Variants in VAV3 observed in about 807,000 individuals in gnomAD.
The protein encoded by VAV3 is guanine nucleotide exchange factor VAV3.
In VAV3, 94 loss-of-function variants were observed where a neutral mutation model predicts 131.2. The observed-to-expected ratio is 0.72, with a 90% CI of 0.61 to 0.85. The LOEUF is 0.85. Ranked by LOEUF, VAV3 falls within the 40% of genes least tolerant of loss-of-function variation. VAV3 has a pLI of 0.00. For synonymous variants in VAV3, 349 were observed against 342.0 expected, an observed-to-expected ratio of 1.02 and a Z score of -0.22; for missense variants, 939 against 1,002.7, an observed-to-expected ratio of 0.94 and a Z score of 0.86.
intron 18 of VAV3, among the ~76,000 whole-genome samples, chr1:107,687,963 G>A (rs1659149016): frequency 6.6e-6 from 1 of 152,104 alleles, no homozygotes. Flanking sequence ...AAAAGTACTA[G>A]AAACATGGAA....
At chr1:107,622,900 G>T (rs142092259) in intron 20 of VAV3, among the ~76,000 whole-genome samples, 12 of 152,294 alleles carry the variant, frequency 7.9e-5, no homozygotes, top group African/African-American at 2.9e-4. Context: ...TGGGCAGATG[G>T]AAGGAAGGAA....
At chr1:107,715,070 A>G (rs1661014217) in intron 15 of VAV3, among the ~76,000 whole-genome samples, 2 of 152,166 alleles carry the variant, frequency 1.3e-5, no homozygotes, top group Non-Finnish European at 2.9e-5. Flanking sequence ...TTATTACAAA[A>G]TTAAAGTGTG....
In VAV3 at chr1:107,902,721, T is replaced by C. The variant is rs1231135374; in HGVS notation, c.205-27704A>G. On this transcript the variant is annotated intron_variant, in intron 1 of 26. Coordinates refer to ENST00000370056, the MANE Select transcript of VAV3 (RefSeq NM_006113.5). ...GCCATGAGGATATAAATCATATCTA[T>C]GTATCAACAAGAGAGGGGAAGGAGA... Among the ~76,000 whole-genome samples the C allele has an allele frequency of 2.0e-5, 3 of 152,266 alleles. No individual in the cohort carries two copies. The South Asian group carries it at 6.2e-4, about 32-fold the overall frequency.
At chr1:107,643,851 T>C (rs988537575) in intron 19 of VAV3, among the ~76,000 whole-genome samples, 1 of 152,086 alleles carries the variant, frequency 6.6e-6, no homozygotes, top group Non-Finnish European at 1.5e-5. Context: ...CTGAACAGAC[T>C]AGAAAAGTTT....
chr1:107,586,005 G>T (rs1650456194), intron 25 of VAV3, among the ~76,000 whole-genome samples: 2 of 152,124 alleles, frequency 1.3e-5, no homozygotes, highest in Admixed American at 1.3e-4. Flanking sequence ...ACTCAGAAGT[G>T]ATGAACCAGC....
chr1:107,808,739 A>C (rs1667179179), intron 2 of VAV3, among the ~76,000 whole-genome samples: 1 of 152,178 alleles, frequency 6.6e-6, no homozygotes, highest in African/African-American at 2.4e-5. Flanking sequence ...TTCTAGCTCC[A>C]CAATATTCCA....
intron 1 of VAV3, among the ~76,000 whole-genome samples, chr1:107,900,358 T>C (rs1195948726): frequency 6.6e-6 from 1 of 152,202 alleles, no homozygotes; most frequent in Non-Finnish European, 1.5e-5. Context: ...TGATATTTTC[T>C]CTACATGCTT....
At chr1:107,669,072 CAG>C (rs1367633575) in intron 19 of VAV3, 3 of 1,080,040 alleles carry the variant, frequency 2.8e-6, no homozygotes, top group Non-Finnish European at 3.4e-6. Context: ...AAAAAGAACA[CAG>C]GGGAAAAAAA....
At chr1:107,592,865 A>G (rs1178021126) in intron 25 of VAV3, among the ~76,000 whole-genome samples, 2 of 152,144 alleles carry the variant, frequency 1.3e-5, no homozygotes, top group Admixed American at 6.6e-5. Flanking sequence ...TACAAGCCCT[A>G]CAGGTAAACC....
chr1:107,806,049 T>A (rs1444394118), intron 2 of VAV3, among the ~76,000 whole-genome samples: 1 of 152,164 alleles, frequency 6.6e-6, no homozygotes, highest in African/African-American at 2.4e-5. Context: ...ACTTGGCATC[T>A]CCTTTGGCCA....
chr1:107,828,918 A>G (rs548907314), intron 2 of VAV3, among the ~76,000 whole-genome samples: 2 of 125,670 alleles, frequency 1.6e-5, no homozygotes, highest in East Asian at 6.8e-4. Context: ...CCTCTGTGAT[A>G]ACACCTGCAA....
At chr1:107,633,163 G>A (rs1000939852) in intron 20 of VAV3, among the ~76,000 whole-genome samples, 12 of 151,854 alleles carry the variant, frequency 7.9e-5, no homozygotes, top group Non-Finnish European at 1.5e-4. Flanking sequence ...CTAAACCTGT[G>A]ATAGGAAAAA....
At chr1:107,960,153 G>A (rs141379488) in intron 1 of VAV3, among the ~76,000 whole-genome samples, 2 of 152,308 alleles carry the variant, frequency 1.3e-5, no homozygotes, top group African/African-American at 4.8e-5. Flanking sequence ...TCTCAATGCA[G>A]TAGCCAAAGT....
At position 107,681,860 on chromosome 1, in the gene VAV3, C is replaced by T. The variant is rs189483648; in HGVS notation, c.1777+1628G>A. On this transcript the variant is annotated intron_variant, in intron 19 of 26. Coordinates refer to ENST00000370056, the MANE Select transcript of VAV3 (RefSeq NM_006113.5). ...TATTTTTAGTAGAGATGGGGTTTCA[C>T]CGTGTTAGCCAGGATGGTCTCCATC... Among the ~76,000 whole-genome samples the T allele has an allele frequency of 5.9e-3, 892 of 152,076 alleles. 9 individuals are homozygous for T. The highest frequency in any genetic ancestry group is 0.021 in the African/African-American group (858 of 41,506).
chr1:107,708,169 C>T (rs989691909), intron 15 of VAV3, among the ~76,000 whole-genome samples: 15 of 151,940 alleles, frequency 9.9e-5, no homozygotes, highest in Admixed American at 7.9e-4. Flanking sequence ...AGATTTTATA[C>T]AGGATTGACA....
chr1:107,686,034 T>A (rs866139867), intron 18 of VAV3: 1 of 85,086 alleles, frequency 1.2e-5, no homozygotes, highest in African/African-American at 4.6e-5. Context: ...GTTGGGGGGG[T>A]GGGGGGGGAG....
chr1:107,659,806 T>C (rs1182304490), intron 19 of VAV3, among the ~76,000 whole-genome samples: 1 of 152,146 alleles, frequency 6.6e-6, no homozygotes, highest in Non-Finnish European at 1.5e-5. Flanking sequence ...CTGCAAATAG[T>C]GTTCTGTAAA....
In VAV3 at chr1:107,704,953, G is replaced by A. The variant is rs752045583; in HGVS notation, c.1604+7C>T. ...TTAAACTGAAAACCAGGACTGAGCA[G>A]GCTTACCTCAGGAGCATCTGGCAGA... On this transcript the variant is annotated splice_region_variant and intron_variant, in intron 16 of 26. Transcript: ENST00000370056. 3.7e-6 allele frequency: 6 copies of A among 1,611,922 alleles called. No homozygotes were observed. In the African/African-American group the frequency reaches 8.0e-5, roughly 22 times the overall value.
Position 107,871,105 on chromosome 1 carries a change from C to T in VAV3, c.321+3796G>A, listed in dbSNP as rs535024891. 3.2e-4 allele frequency among the ~76,000 whole-genome samples: 49 copies of T among 152,024 alleles called. No homozygotes were observed. In the South Asian group the frequency reaches 7.5e-3, roughly 23 times the overall value. On this transcript the variant is annotated intron_variant, in intron 2 of 26. Transcript: ENST00000370056. The stretch of plus-strand genomic sequence containing the variant: ...TATGGAAAATTCTTTACATACAGTA[C>T]GGAAACGAACAAAGTTACAGATACT...
Sources: allele counts gnomAD v4.1 joint callset (sites outside exome capture counted in the v4.1 genomes callset), GRCh38; gene constraint gnomAD v4.1.1; transcripts MANE v1.5; gene names NCBI Gene and HGNC (gene_info 2026-07-23, HGNC 2026-07-21).